TMEM132C: variants seen among roughly 807,000 people sequenced by gnomAD.
The protein encoded by TMEM132C is transmembrane protein 132C, also known as protein phosphatase 1, regulatory subunit 152.
Under a neutral mutation model 61.4 loss-of-function variants are expected in TMEM132C, and 29 were observed. The ratio of observed to expected loss-of-function variants is 0.47; its 90% confidence interval spans 0.35 to 0.64. The LOEUF (loss-of-function observed/expected upper bound fraction) is 0.64. Among genes scored for constraint, TMEM132C ranks in the 30% least tolerant of loss-of-function variants. TMEM132C has a pLI of 0.00. For synonymous variants in TMEM132C, 656 were observed against 633.1 expected (o/e 1.04, Z -0.54); for missense variants, 1,408 against 1,476.9 (o/e 0.95, Z 0.76).
rs368178965 is a variant in TMEM132C, at chr12:128,315,916, G to A, written c.85+48429G>A. The stretch of plus-strand genomic sequence containing the variant: ...GAAGCCAGGAGAACGGCATGGAACA[G>A]ATTATCTCGAGGGCCCTAAGAGCGA... On this transcript the variant is annotated intron_variant, in intron 1 of 8. Coordinates refer to ENST00000435159, the MANE Select transcript of TMEM132C (RefSeq NM_001136103.3). Among the ~76,000 whole-genome samples the A allele has an allele frequency of 2.0e-5, 3 of 152,024 alleles. No individual in the cohort carries two copies. In the East Asian group the frequency reaches 5.8e-4, roughly 30 times the overall value.
At chr12:128,637,049 G>T (rs923495871) in intron 4 of TMEM132C, among the ~76,000 whole-genome samples, 2 of 152,250 alleles carry the variant, frequency 1.3e-5, no homozygotes, top group African/African-American at 4.8e-5. Flanking sequence ...GTTGTTGTGA[G>T]TAACCCAGCA....
intron 2 of TMEM132C, among the ~76,000 whole-genome samples, chr12:128,434,814 G>A (rs1477213500): frequency 6.6e-6 from 1 of 151,224 alleles, no homozygotes; most frequent in Non-Finnish European, 1.5e-5. Context: ...TAGAGACGGG[G>A]TTTCACCGTG....
chr12:128,454,413 G>A (rs1168046413), intron 2 of TMEM132C, among the ~76,000 whole-genome samples: 2 of 152,180 alleles, frequency 1.3e-5, no homozygotes, highest in African/African-American at 4.8e-5. Flanking sequence ...TTCAGGAAAC[G>A]TGAATCTCAC....
Position 128,706,040 on chromosome 12 carries a change from G to A in TMEM132C, c.3072G>A (p.Gln1024=). The A allele has an allele frequency of 2.6e-6, 4 of 1,551,756 alleles. No individual in the cohort carries two copies. The African/African-American group carries it at 4.1e-5, about 16-fold the overall frequency. ...GCTCCCACAAGCACGTGCAGAGCCA[G>A]ATTCACAGGTCAGCCGACTCCGGGG... ...NGGSHKHVQS[Q]IHRSADSGGR... is the part of the protein sequence containing the mutation. Residue 1024 remains glutamine (Q), a synonymous_variant, in exon 9 of 9, where the codon CAG becomes CAA. Transcript: ENST00000435159.
At chr12:128,362,876 TCCAA>T (rs1873750051) in intron 1 of TMEM132C, among the ~76,000 whole-genome samples, 1 of 152,196 alleles carries the variant, frequency 6.6e-6, no homozygotes, top group African/African-American at 2.4e-5. Flanking sequence ...GGTGAGCTGC[TCCAA>T]CCACAAAGCC....
chr12:128,549,307 A>G (rs113892221), intron 3 of TMEM132C, among the ~76,000 whole-genome samples: 1 of 152,062 alleles, frequency 6.6e-6, no homozygotes, highest in Non-Finnish European at 1.5e-5. Context: ...CCAACGTGAG[A>G]CACGAGGCCA....
intron 1 of TMEM132C, among the ~76,000 whole-genome samples, chr12:128,397,020 G>A (rs1283888331): frequency 6.6e-6 from 1 of 152,182 alleles, no homozygotes; most frequent in Non-Finnish European, 1.5e-5. Context: ...AGCATCTTAG[G>A]TCAGCGGATG....
At chr12:128,595,977 T>C (rs1157609115) in intron 3 of TMEM132C, among the ~76,000 whole-genome samples, 2 of 152,236 alleles carry the variant, frequency 1.3e-5, no homozygotes, top group Non-Finnish European at 2.9e-5. Context: ...GGGGAAGCTC[T>C]GCAGTGAGAA....
intron 1 of TMEM132C, among the ~76,000 whole-genome samples, chr12:128,293,702 G>A (rs892558208): frequency 2.0e-5 from 3 of 152,054 alleles, no homozygotes; most frequent in African/African-American, 7.3e-5. Flanking sequence ...TGCCTTCTTT[G>A]TCTCCCAACC....
At chr12:128,503,172 G>A (rs201089079) in intron 2 of TMEM132C, among the ~76,000 whole-genome samples, 2 of 68,662 alleles carry the variant, frequency 2.9e-5, no homozygotes, top group South Asian at 4.5e-4. Flanking sequence ...GTGAAGAAAA[G>A]TTGTAGACTA....
chr12:128,289,907 T>C (rs1821445059), intron 1 of TMEM132C, among the ~76,000 whole-genome samples: 1 of 152,184 alleles, frequency 6.6e-6, no homozygotes, highest in South Asian at 2.1e-4. Context: ...CCTCAAATTA[T>C]CTCATATTTC....
chr12:128,364,238 T>C (rs1159958295), intron 1 of TMEM132C, among the ~76,000 whole-genome samples: 1 of 149,466 alleles, frequency 6.7e-6, no homozygotes, highest in African/African-American at 2.5e-5. Flanking sequence ...TCTTCCTCCT[T>C]CTCCTCCTCC....
chr12:128,479,285 AT>A (rs1871249320), intron 2 of TMEM132C, among the ~76,000 whole-genome samples: 1 of 152,144 alleles, frequency 6.6e-6, no homozygotes, highest in African/African-American at 2.4e-5. Flanking sequence ...GGGTGATGAA[AT>A]ATTCTGTACA....
At chr12:128,672,977 T>G (rs1347223187) in intron 5 of TMEM132C, among the ~76,000 whole-genome samples, 1 of 152,244 alleles carries the variant, frequency 6.6e-6, no homozygotes, top group Non-Finnish European at 1.5e-5. Flanking sequence ...ACAGTCACTG[T>G]ATCAGCATCT....
rs1387517827 is a variant in TMEM132C, at chr12:128,695,869, G to T, written c.1695G>T (p.Arg565=). 122 of 1,548,100 alleles carry T rather than the reference G, an allele frequency of 7.9e-5. 1 individual carries two copies. The highest frequency in any genetic ancestry group is 1.0e-4 in the Non-Finnish European group (117 of 1,144,786). Residue 565 remains arginine (R), a synonymous_variant, in exon 7 of 9, where the codon CGG becomes CGT. Transcript: ENST00000435159. ...RESEDEDEEE[R]RGRGCALQYQ... is the part of the protein sequence containing the mutation. ...GCGAGGATGAGGACGAGGAGGAGCG[G>T]CGGGGCCGGGGCTGCGCACTGCAAT...
At chr12:128,298,167 A>G (rs1871469233) in intron 1 of TMEM132C, among the ~76,000 whole-genome samples, 1 of 152,194 alleles carries the variant, frequency 6.6e-6, no homozygotes, top group Non-Finnish European at 1.5e-5. Context: ...GAGAATGCAC[A>G]TCTAATCATG....
chr12:128,472,493 G>A (rs1243215649), intron 2 of TMEM132C, among the ~76,000 whole-genome samples: 1 of 152,222 alleles, frequency 6.6e-6, no homozygotes, highest in Non-Finnish European at 1.5e-5. Flanking sequence ...GGGGGCTCCA[G>A]GTCCAATCTG....
intron 1 of TMEM132C, among the ~76,000 whole-genome samples, chr12:128,397,933 A>G (rs554850111): frequency 1.3e-5 from 2 of 152,346 alleles, no homozygotes; most frequent in East Asian, 3.9e-4. Context: ...GCAAGGCAGC[A>G]TGGGGTACAG....
chr12:128,593,067 C>T (rs200530237), intron 3 of TMEM132C, among the ~76,000 whole-genome samples: 1 of 106,600 alleles, frequency 9.4e-6, no homozygotes, highest in Admixed American at 1.5e-4. Flanking sequence ...CTCTTTCTTT[C>T]CTTTCTCATC....
Sources: allele counts gnomAD v4.1 joint callset (sites outside exome capture counted in the v4.1 genomes callset), GRCh38; gene constraint gnomAD v4.1.1; transcripts MANE v1.5; gene names NCBI Gene and HGNC (gene_info 2026-07-23, HGNC 2026-07-21).